CACNA1B: variants seen among roughly 807,000 people sequenced by gnomAD.
CACNA1B encodes the protein calcium voltage-gated channel subunit alpha1 B.
A neutral mutation model predicts 247.2 loss-of-function variants in CACNA1B; 70 were observed. The ratio of observed to expected loss-of-function variants is 0.28; its 90% confidence interval spans 0.23 to 0.35. CACNA1B has a LOEUF of 0.35. Ranked by LOEUF, CACNA1B falls within the 10% of genes least tolerant of loss-of-function variation. The pLI, the probability that CACNA1B is intolerant of heterozygous loss-of-function variation, is 1.00. For synonymous variants in CACNA1B, 1,231 were observed against 1,294.4 expected (o/e 0.95, Z 1.05); for missense variants, 2,367 against 3,197.4 (o/e 0.74, Z 6.26).
chr9:137,981,098 T>A (rs1958288651), intron 12 of CACNA1B, among the ~76,000 whole-genome samples: 1 of 152,254 alleles, frequency 6.6e-6, no homozygotes, highest in South Asian at 2.1e-4. Context: ...GTGACTGGAC[T>A]AATTTACATT....
intron 6 of CACNA1B, among the ~76,000 whole-genome samples, chr9:137,932,429 G>A (rs1957618348): frequency 6.6e-6 from 1 of 152,168 alleles, no homozygotes; most frequent in African/African-American, 2.4e-5. Context: ...GGTCCCGCAC[G>A]GGAAAAAGGC....
chr9:138,044,080 G>A (rs1302133054), intron 21 of CACNA1B, among the ~76,000 whole-genome samples, 180 bp downstream of exon 21: 5 of 152,210 alleles, frequency 3.3e-5, no homozygotes, highest in South Asian at 2.1e-4. Context: ...AAGAGGACAC[G>A]GGCACAGGAG....
In CACNA1B at chr9:138,058,599, A is replaced by G. The variant is rs1289382404; in HGVS notation, c.4339A>G (p.Lys1447Glu). ...TTGCATTGACTTCGCCATCAGCGCC[A>G]AACCCCTGACACGGTACATGCCCCA... ...RACIDFAISA[K>E]PLTRYMPQNR... Residue 1447 changes from lysine to glutamate, a missense_variant, in exon 29 of 47, where the codon AAA (lysine) becomes GAA (glutamate). Physicochemically the swap from Lys to Glu is moderately conservative, Grantham distance 56. This residue lies in a region of CACNA1B where 436 missense variants were observed against 679.5 expected (regional missense o/e 0.64). Coordinates refer to ENST00000371372, the MANE Select transcript of CACNA1B (RefSeq NM_000718.4). The surrounding 1 kb of genome is among the most constrained non-coding windows in gnomAD (Gnocchi z 4.7). The G allele has an allele frequency of 6.2e-7, 1 of 1,612,794 alleles. No homozygotes were observed. The highest frequency in any genetic ancestry group is 1.3e-5 in the African/African-American group (1 of 74,810).
At chr9:138,029,137 A>G (rs2133448002) in intron 20 of CACNA1B, among the ~76,000 whole-genome samples, 1 of 152,350 alleles carries the variant, frequency 6.6e-6, no homozygotes, top group South Asian at 2.1e-4. Flanking sequence ...CAACACTGTA[A>G]TGAAAGATAT....
intron 15 of CACNA1B, among the ~76,000 whole-genome samples, chr9:137,995,398 A>G (rs956311798): frequency 2.6e-5 from 4 of 152,204 alleles, no homozygotes; most frequent in Non-Finnish European, 5.9e-5. Context: ...CAGCCAACTG[A>G]TCTTTGACAA....
intron 10 of CACNA1B, among the ~76,000 whole-genome samples, chr9:137,960,205 G>GCCACCA (rs1379701198): frequency 3.2e-3 from 170 of 53,322 alleles, no homozygotes; most frequent in East Asian, 4.4e-3. Context: ...TGAGGGGGAG[G>GCCACCA]GGGAGGGAAG....
At chr9:137,912,550 T>A (rs528577221) in intron 3 of CACNA1B, among the ~76,000 whole-genome samples, 2 of 152,302 alleles carry the variant, frequency 1.3e-5, no homozygotes, top group South Asian at 4.1e-4. Flanking sequence ...AACAGAGAAA[T>A]GCTCTGTGGT....
intron 36 of CACNA1B, 142 bp from the exon 37 acceptor site, chr9:138,096,342 G>T: frequency 1.6e-6 from 1 of 640,414 alleles, no homozygotes; most frequent in South Asian, 2.0e-5. Flanking sequence ...CCCATGGGGA[G>T]AGCAGATCGG....
At chr9:137,916,806 G>A (rs768708929) in intron 5 of CACNA1B, among the ~76,000 whole-genome samples, 51 of 151,972 alleles carry the variant, frequency 3.4e-4, no homozygotes, top group Non-Finnish European at 6.2e-4. Flanking sequence ...TGAGGGAGAG[G>A]TACAGTCAGC....
intron 3 of CACNA1B, among the ~76,000 whole-genome samples, chr9:137,910,458 C>A (rs533192850): frequency 6.6e-6 from 1 of 151,946 alleles, no homozygotes; most frequent in Non-Finnish European, 1.5e-5. Flanking sequence ...GGTTTTGGGA[C>A]GATTCAAGTG....
Position 138,115,583 on chromosome 9 carries a change from A to C in CACNA1B, c.5681A>C (p.Lys1894Thr). ...CCTGTGTCCCTGTTCCACCCTCTGA[A>C]GGCCACCCTGGAGCAGACACAGCCG... ...MGPVSLFHPL[K>T]ATLEQTQPAV... The change falls in exon 42 of 47, where the codon AAG (lysine) becomes ACG (threonine). Residue 1894 changes from lysine to threonine, a missense_variant. By Grantham distance (78) the Lys-to-Thr change is moderately conservative (BLOSUM62 -1). Around this residue, in one of 12 missense-constraint regions of CACNA1B, gnomAD observed 773 missense variants for 779.4 expected, o/e 0.99. Coordinates refer to ENST00000371372, the MANE Select transcript of CACNA1B (RefSeq NM_000718.4). The C allele has an allele frequency of 6.2e-7, 1 of 1,613,602 alleles. No homozygotes were observed. Among genetic ancestry groups the C allele is most frequent in the Non-Finnish European group, 8.5e-7 (1 of 1,179,814 alleles).
Position 138,105,722 on chromosome 9 carries a change from C to T in CACNA1B, c.5343C>T (p.Pro1781=), listed in dbSNP as rs763675865. ...AGCGCCTGGTTCGCATGAACATGCC[C>T]ATCTCCAACGAGGACATGACTGTTC... ...AYKRLVRMNM[P]ISNEDMTVHF... The change falls in exon 39 of 47, where the codon CCC becomes CCT. Residue 1781 remains proline, a synonymous_variant. Transcript: ENST00000371372. The T allele has an allele frequency of 1.3e-6, 2 of 1,561,426 alleles. No homozygotes were observed. Among genetic ancestry groups the T allele is most frequent in the Non-Finnish European group, 1.7e-6 (2 of 1,153,484 alleles).
intron 6 of CACNA1B, among the ~76,000 whole-genome samples, chr9:137,948,172 G>A (rs1447112369): frequency 6.6e-6 from 1 of 151,952 alleles, no homozygotes; most frequent in African/African-American, 2.4e-5. Context: ...GTAGAGACAG[G>A]GTTTCGCCAT....
intron 21 of CACNA1B, among the ~76,000 whole-genome samples, chr9:138,045,115 GGGAGGAACTAGC>G: frequency 6.6e-6 from 1 of 152,232 alleles, no homozygotes; most frequent in Non-Finnish European, 1.5e-5. Context: ...GAGGGGAGAG[GGGAGGAACTAGC>G]GGAGCATTCA....
rs755835941 is a variant in CACNA1B, at chr9:137,956,788, G to A, written c.1204G>A (p.Glu402Lys). 1.2e-6 allele frequency: 2 copies of A among 1,613,764 alleles called. No homozygotes were observed. Among genetic ancestry groups the A allele is most frequent in the Non-Finnish European group, 1.7e-6 (2 of 1,179,726 alleles). Residue 402 changes from glutamate to lysine, a missense_variant, in exon 9 of 47, where the codon GAG (glutamate) becomes AAG (lysine). Coordinates refer to ENST00000371372, the MANE Select transcript of CACNA1B (RefSeq NM_000718.4). ...CCTCGCAGAGGAAGTCATGCTGGCC[G>A]AGGAGGACAGGAATGCAGAGGAGAA... ...IFKAEEVMLAEEDRNAEEKSP... is the reference protein window; with the variant it reads ...IFKAEEVMLAKEDRNAEEKSP...
At chr9:138,098,779 G>A (rs1961143536) in intron 37 of CACNA1B, among the ~76,000 whole-genome samples, 1 of 152,210 alleles carries the variant, frequency 6.6e-6, no homozygotes, top group African/African-American at 2.4e-5. Flanking sequence ...CCCAGAGATA[G>A]CACGCACAAA....
intron 7 of CACNA1B, among the ~76,000 whole-genome samples, chr9:137,953,983 C>T (rs1307977015): frequency 1.3e-5 from 2 of 152,154 alleles, no homozygotes; most frequent in Non-Finnish European, 2.9e-5. Flanking sequence ...CTCAGGGCTT[C>T]CTTCTGCATC....
chr9:137,911,617 C>T (rs905919548), intron 3 of CACNA1B, among the ~76,000 whole-genome samples: 4 of 152,098 alleles, frequency 2.6e-5, no homozygotes, highest in Admixed American at 6.6e-5. Flanking sequence ...CGGGGTTTCA[C>T]CATGTTGGTC....
chr9:138,017,201 C>T (rs747891459), intron 18 of CACNA1B: 39 of 518,940 alleles, frequency 7.5e-5, no homozygotes, highest in Non-Finnish European at 3.5e-5. Context: ...GTGAACTCAC[C>T]GTGAGTCGCT....
Sources: gnomAD v4.1 joint callset for allele counts (sites outside exome capture counted in the v4.1 genomes callset) on GRCh38, gnomAD v4.1.1 for gene constraint, gnomAD v4.1.1 regional missense constraint, Gnocchi (gnomAD v3.1) non-coding constraint, MANE v1.5 for transcripts, NCBI Gene and HGNC (gene_info 2026-07-23, HGNC 2026-07-21) for gene names.